TCERG1L: variants seen among roughly 807,000 people sequenced by gnomAD.
The protein encoded by TCERG1L is transcription elongation regulator 1 like, also known as transcription elongation regulator 1-like protein.
Under a neutral mutation model 56.3 loss-of-function variants are expected in TCERG1L, and 37 were observed. That is an observed-to-expected ratio of 0.66 (90% CI 0.51 to 0.87). The LOEUF (loss-of-function observed/expected upper bound fraction) is 0.87. Ranked by LOEUF, TCERG1L falls within the 40% of genes least tolerant of loss-of-function variation. The pLI is 0.00. For synonymous variants in TCERG1L, 324 were observed against 326.3 expected, an observed-to-expected ratio of 0.99 and a Z score of 0.08; for missense variants, 799 against 774.2, an observed-to-expected ratio of 1.03 and a Z score of -0.38.
At chr10:131,278,975 A>G (rs1220542191) in intron 3 of TCERG1L, among the ~76,000 whole-genome samples, 1 of 152,148 alleles carries the variant, frequency 6.6e-6, no homozygotes, top group Non-Finnish European at 1.5e-5. Context: ...GTGTGTGCCA[A>G]TCACATCTGT....
intron 8 of TCERG1L, among the ~76,000 whole-genome samples, chr10:131,124,922 T>A (rs939102883): frequency 1.3e-5 from 2 of 152,198 alleles, no homozygotes; most frequent in Non-Finnish European, 2.9e-5. Flanking sequence ...TTGCAACCAC[T>A]TGGGATTTGC....
chr10:131,220,078 C>G (rs1010230010), intron 4 of TCERG1L, among the ~76,000 whole-genome samples: 12 of 152,190 alleles, frequency 7.9e-5, no homozygotes, highest in Admixed American at 5.9e-4. Flanking sequence ...GCCCTGGACC[C>G]GGGCTGAGCT....
intron 4 of TCERG1L, 23 bp from the exon 5 acceptor site, chr10:131,166,908 A>C (rs773576439): frequency 4.4e-6 from 7 of 1,593,432 alleles, no homozygotes; most frequent in Non-Finnish European, 6.0e-6. Flanking sequence ...AGCAGTTGTC[A>C]TTAACATTTC....
At chr10:131,198,100 G>A (rs1420781678) in intron 4 of TCERG1L, among the ~76,000 whole-genome samples, 3 of 152,176 alleles carry the variant, frequency 2.0e-5, no homozygotes, top group East Asian at 1.9e-4. Context: ...CACCTGTGGC[G>A]ACATGCCCAT....
chr10:131,253,048 G>A (rs1289988300), intron 4 of TCERG1L, among the ~76,000 whole-genome samples: 4 of 152,328 alleles, frequency 2.6e-5, no homozygotes, highest in East Asian at 1.9e-4. Flanking sequence ...CTGCTGGGCC[G>A]GTCACAGACT....
chr10:131,194,388 A>G (rs1845335144), intron 4 of TCERG1L, among the ~76,000 whole-genome samples: 2 of 152,214 alleles, frequency 1.3e-5, no homozygotes, highest in African/African-American at 4.8e-5. Context: ...GAAGCTGCCT[A>G]TTCATGCCTA....
chr10:131,104,477 C>T, intron 9 of TCERG1L, 123 bp from the exon 10 acceptor site: 1 of 646,644 alleles, frequency 1.5e-6, no homozygotes, highest in South Asian at 1.9e-5. Context: ...ACAATAGATT[C>T]CGTGATGTGG....
intron 4 of TCERG1L, among the ~76,000 whole-genome samples, chr10:131,200,495 CCTT>C (rs779799460): frequency 6.6e-6 from 1 of 152,210 alleles, no homozygotes; most frequent in African/African-American, 2.4e-5. Context: ...GCTACTCTTT[CCTT>C]CTTGCCTATG....
intron 4 of TCERG1L, among the ~76,000 whole-genome samples, chr10:131,211,902 C>T (rs909802025): frequency 6.6e-6 from 1 of 152,154 alleles, no homozygotes; most frequent in Non-Finnish European, 1.5e-5. Context: ...CAGAAGTTTC[C>T]ACAGCATTAG....
At chr10:131,250,330 T>A (rs1968516) in intron 4 of TCERG1L, among the ~76,000 whole-genome samples, 1 of 148,120 alleles carries the variant, frequency 6.8e-6, no homozygotes, top group Non-Finnish European at 1.5e-5. Context: ...GTCACTCACA[T>A]GCCGAGCGGG....
At chr10:131,155,220 G>A (rs1314343002) in intron 6 of TCERG1L, among the ~76,000 whole-genome samples, 1 of 152,208 alleles carries the variant, frequency 6.6e-6, no homozygotes, top group Non-Finnish European at 1.5e-5. Flanking sequence ...AGGTGTCTGT[G>A]CTCCTAAAGG....
At chr10:131,254,087 G>T (rs148970496) in intron 4 of TCERG1L, among the ~76,000 whole-genome samples, 2 of 152,136 alleles carry the variant, frequency 1.3e-5, no homozygotes, top group Non-Finnish European at 2.9e-5. Flanking sequence ...GAGACACCAG[G>T]GGGTGGAGGA....
chr10:131,225,846 A>C (rs1845785843), intron 4 of TCERG1L, among the ~76,000 whole-genome samples: 1 of 152,116 alleles, frequency 6.6e-6, no homozygotes, highest in Non-Finnish European at 1.5e-5. Context: ...AAAATTAGAG[A>C]CTTCTGTTCA....
At chr10:131,298,107 G>T (rs1846718191) in intron 3 of TCERG1L, among the ~76,000 whole-genome samples, 2 of 140,432 alleles carry the variant, frequency 1.4e-5, no homozygotes. Context: ...CCATTTTCTA[G>T]TTTCTTAAGG....
intron 4 of TCERG1L, among the ~76,000 whole-genome samples, chr10:131,185,859 T>C (rs576740136): frequency 2.8e-4 from 42 of 152,332 alleles, no homozygotes; most frequent in African/African-American, 1.0e-3. Flanking sequence ...CTCCTAGATC[T>C]ATACCCAAAA....
chr10:131,241,176 C>T (rs1042704046), intron 4 of TCERG1L, among the ~76,000 whole-genome samples: 17 of 152,082 alleles, frequency 1.1e-4, no homozygotes, highest in African/African-American at 3.9e-4. Flanking sequence ...CGCCCGCACG[C>T]AGAATGGGTG....
chr10:131,218,489 C>CTATTTATTTATT (rs61109787), intron 4 of TCERG1L, among the ~76,000 whole-genome samples: 2 of 151,144 alleles, frequency 1.3e-5, no homozygotes, highest in Admixed American at 6.6e-5. Flanking sequence ...TCCTTTTTTT[C>CTATTTATTTATT]TATTTATTTA....
intron 4 of TCERG1L, among the ~76,000 whole-genome samples, chr10:131,246,415 C>T (rs1488191158): frequency 6.6e-6 from 1 of 152,066 alleles, no homozygotes; most frequent in East Asian, 1.9e-4. Flanking sequence ...GCTGGTCAGG[C>T]CAGGGTGGGA....
In TCERG1L at chr10:131,260,216, C is replaced by T; in HGVS notation, c.856+43G>A. ...TCTAACCAGGAAGCCTCCGCGCGCTCGCTAAGGCAGCACCAGGCGTCGGGA... is the reference window on the plus strand; with the variant it reads ...TCTAACCAGGAAGCCTCCGCGCGCTTGCTAAGGCAGCACCAGGCGTCGGGA... On this transcript the variant is annotated intron_variant, in intron 4 of 11. Coordinates refer to ENST00000368642, the MANE Select transcript of TCERG1L (RefSeq NM_174937.4). This position sits in a 1 kb window ranked among gnomAD's most constrained non-coding sequence, Gnocchi z 5.8. 1 of 1,330,452 alleles carries T rather than the reference C, an allele frequency of 7.5e-7. No homozygotes were observed. Among genetic ancestry groups the T allele is most frequent in the South Asian group, 2.6e-5 (1 of 39,058 alleles). 82.4% of individuals were successfully genotyped at this position (1,330,452 alleles called of 1,614,324 possible). A position where few individuals can be genotyped will look rare whatever the true frequency, so the allele number is the denominator to read the frequency against.
Sources: gnomAD v4.1 joint callset for allele counts (sites outside exome capture counted in the v4.1 genomes callset) on GRCh38, gnomAD v4.1.1 for gene constraint, Gnocchi (gnomAD v3.1) non-coding constraint, MANE v1.5 for transcripts, NCBI Gene and HGNC (gene_info 2026-07-23, HGNC 2026-07-21) for gene names.